The following DNAAF5 variants were observed in gnomAD, a reference collection of about 807,000 sequenced individuals.
DNAAF5 encodes the protein HEAT repeat containing 2.
Under a neutral mutation model 75.8 loss-of-function variants are expected in DNAAF5, and 64 were observed. The observed-to-expected ratio is 0.84, with a 90% CI of 0.69 to 1.04. The LOEUF (loss-of-function observed/expected upper bound fraction) is 1.04, where lower values mean the gene tolerates loss of function less well. DNAAF5 is among the 50% of genes least tolerant of loss of function. The pLI is 0.00. For synonymous variants in DNAAF5, 657 were observed against 557.2 expected (o/e 1.18, Z -2.52); for missense variants, 1,269 against 1,178.5 (o/e 1.08, Z -1.12).
At chr7:744,232 T>C (rs923616408) in intron 4 of DNAAF5, among the ~76,000 whole-genome samples, 3 of 152,214 alleles carry the variant, frequency 2.0e-5, no homozygotes, top group South Asian at 4.1e-4. Context: ...GAATGATGAT[T>C]TTGAATTTCA....
chr7:780,179 C>T, intron 12 of DNAAF5, 35 bp downstream of exon 12: 2 of 1,591,392 alleles, frequency 1.3e-6, no homozygotes, highest in African/African-American at 2.7e-5. Flanking sequence ...CGTTCCGATG[C>T]CTGCTTTCGG....
At chr7:757,760 C>T (rs1469738472) in intron 6 of DNAAF5, among the ~76,000 whole-genome samples, 1 of 152,210 alleles carries the variant, frequency 6.6e-6, no homozygotes, top group African/African-American at 2.4e-5. Context: ...CCAGATATTT[C>T]TGGGACACAG....
intron 4 of DNAAF5, among the ~76,000 whole-genome samples, chr7:750,326 A>G (rs534198740): frequency 3.3e-5 from 5 of 152,304 alleles, no homozygotes; most frequent in Middle Eastern, 3.4e-3. Flanking sequence ...TAGTACGTTC[A>G]CACGGCAACG....
intron 4 of DNAAF5, among the ~76,000 whole-genome samples, chr7:753,944 G>A (rs757089295): frequency 2.7e-5 from 4 of 147,310 alleles, no homozygotes; most frequent in Non-Finnish European, 5.9e-5. Flanking sequence ...ATATGGGGAC[G>A]GCTTCGCAGG....
At position 729,703 on chromosome 7, in the gene DNAAF5, G is replaced by C; in HGVS notation, c.636G>C (p.Leu212=). ...AGTCGGAGTCTCTGATCGGGCCCCT[G>C]ATGCAGACCATCTCCCACCAGCACT... ...HMQSESLIGP[L]MQTISHQHWK... The change falls in exon 2 of 13, where the codon CTG becomes CTC. Residue 212 remains leucine, a synonymous_variant. Coordinates refer to ENST00000297440, the MANE Select transcript of DNAAF5 (RefSeq NM_017802.4). The C allele has an allele frequency of 6.2e-7, 1 of 1,614,092 alleles. No homozygotes were observed. The highest frequency in any genetic ancestry group is 8.5e-7 in the Non-Finnish European group (1 of 1,180,018).
chr7:745,625 G>A (rs370400219), intron 4 of DNAAF5, among the ~76,000 whole-genome samples: 3 of 151,986 alleles, frequency 2.0e-5, no homozygotes, highest in South Asian at 4.1e-4. Context: ...GTGCACACAC[G>A]TGTACATGTA....
At chr7:781,877 T>C (rs916696575) in intron 12 of DNAAF5, among the ~76,000 whole-genome samples, 4 of 152,224 alleles carry the variant, frequency 2.6e-5, no homozygotes, top group Non-Finnish European at 5.9e-5. Flanking sequence ...TCCTCATATA[T>C]TCCAGTGATT....
intron 11 of DNAAF5, among the ~76,000 whole-genome samples, chr7:777,750 A>G (rs1410575037): frequency 6.6e-6 from 1 of 152,238 alleles, no homozygotes; most frequent in Non-Finnish European, 1.5e-5. Flanking sequence ...GGTCAACTCT[A>G]GACTGAATGT....
intron 9 of DNAAF5, among the ~76,000 whole-genome samples, chr7:773,650 G>A (rs975685032): frequency 6.6e-6 from 1 of 152,182 alleles, no homozygotes; most frequent in East Asian, 1.9e-4. Flanking sequence ...GGGGAGGGAT[G>A]CAGATGGGAA....
chr7:774,325 C>G, intron 10 of DNAAF5, 127 bp downstream of exon 10: 1 of 996,234 alleles, frequency 1.0e-6, no homozygotes, highest in Non-Finnish European at 1.4e-6. Context: ...GGGCCCGTAC[C>G]CCAAGAGGCT....
intron 4 of DNAAF5, among the ~76,000 whole-genome samples, chr7:741,858 A>G (rs780586193): frequency 2.0e-5 from 3 of 152,018 alleles, no homozygotes. Context: ...AAACAGTGGG[A>G]TGAGGGGCTT....
At chr7:738,910 G>A (rs1781815602) in intron 2 of DNAAF5, among the ~76,000 whole-genome samples, 1 of 152,258 alleles carries the variant, frequency 6.6e-6, no homozygotes, top group Non-Finnish European at 1.5e-5. Flanking sequence ...AGTGCAGGAG[G>A]TCAGGGAGGA....
At chr7:764,051 G>T in intron 8 of DNAAF5, 77 bp downstream of exon 8, 1 of 1,513,524 alleles carries the variant, frequency 6.6e-7, no homozygotes, top group Non-Finnish European at 9.0e-7. Flanking sequence ...GTGCTCAGCA[G>T]GTACCAGCGC....
At chr7:759,104 G>A (rs569070061) in intron 6 of DNAAF5, among the ~76,000 whole-genome samples, 12 of 152,264 alleles carry the variant, frequency 7.9e-5, no homozygotes, top group African/African-American at 2.4e-4. Flanking sequence ...TCCCGCGGCC[G>A]GCCGGGCTTT....
At chr7:732,422 G>T in intron 2 of DNAAF5, 1 of 420,052 alleles carries the variant, frequency 2.4e-6, no homozygotes, top group Non-Finnish European at 4.8e-6. Context: ...GGGGTGCCCT[G>T]GTTGTCGCCA....
At chr7:761,624 T>A in intron 6 of DNAAF5, 129 bp from the exon 7 acceptor site, 1 of 914,890 alleles carries the variant, frequency 1.1e-6, no homozygotes, top group Non-Finnish European at 1.6e-6. Flanking sequence ...ACCCCCATGA[T>A]TCAGTTCCCT....
At position 729,949 on chromosome 7, in the gene DNAAF5, A is replaced by G. The variant is rs751409851; in HGVS notation, c.780+102A>G. ...ACTTGTTCTTTTTTCAGAGTGCTGT[A>G]TGCACCAAATGTCCTTTCATTATTC... On this transcript the variant is annotated intron_variant, in intron 2 of 12. Coordinates refer to ENST00000297440, the MANE Select transcript of DNAAF5 (RefSeq NM_017802.4). The G allele has an allele frequency of 9.3e-6, 10 of 1,080,250 alleles. No homozygotes were observed. The South Asian group carries it at 1.2e-4, about 13-fold the overall frequency. The allele number at this position is 1,080,250 out of a possible 1,614,324, so 66.9% of individuals were successfully genotyped here. A position where few individuals can be genotyped will look rare whatever the true frequency, so the allele number is the denominator to read the frequency against.
intron 4 of DNAAF5, among the ~76,000 whole-genome samples, chr7:745,454 A>G (rs1232109366): frequency 6.6e-6 from 1 of 151,990 alleles, no homozygotes; most frequent in African/African-American, 2.4e-5. Flanking sequence ...ATTCACATGC[A>G]TGCACATGTA....
In DNAAF5 at chr7:770,630, C is replaced by T. The variant is rs752959727; in HGVS notation, c.1931+12C>T. On this transcript the variant is annotated intron_variant, in intron 9 of 12. Transcript: ENST00000297440. ...ATCAACTCCCAGGGGTAGGTCCGGG[C>T]TCTGCCTCTGCACGGCCCCCAGCTG... 10 of 1,611,266 alleles carry T rather than the reference C, an allele frequency of 6.2e-6. 1 individual carries two copies. In the East Asian group the frequency reaches 2.0e-4, roughly 32 times the overall value.
Sources: gnomAD v4.1 joint callset for allele counts (sites outside exome capture counted in the v4.1 genomes callset) on GRCh38, gnomAD v4.1.1 for gene constraint, MANE v1.5 for transcripts, NCBI Gene and HGNC (gene_info 2026-07-23, HGNC 2026-07-21) for gene names.